Variants in SIPA1L3 observed in about 807,000 individuals in gnomAD.
SIPA1L3 encodes the protein signal-induced proliferation-associated 1-like protein 3.
SIPA1L3 carries 59 observed loss-of-function variants against 150.1 expected under a neutral mutation model. The observed-to-expected ratio is 0.39, with a 90% CI of 0.32 to 0.49. The LOEUF is 0.49. Ranked by LOEUF, SIPA1L3 falls within the 20% of genes least tolerant of loss-of-function variation. The pLI, the probability that SIPA1L3 is intolerant of heterozygous loss-of-function variation, is 0.86. For synonymous variants in SIPA1L3, 1,070 were observed against 1,077.6 expected (o/e 0.99, Z 0.14); for missense variants, 2,211 against 2,489.5 (o/e 0.89, Z 2.38).
At chr19:38,008,570 T>C (rs184296350) in intron 1 of SIPA1L3, among the ~76,000 whole-genome samples, 99 of 151,874 alleles carry the variant, frequency 6.5e-4, no homozygotes, top group Admixed American at 2.0e-3. Flanking sequence ...TTTACCCCCA[T>C]TCCTTTTCCT....
At chr19:37,968,270 A>G (rs572865989) in intron 1 of SIPA1L3, among the ~76,000 whole-genome samples, 2 of 152,010 alleles carry the variant, frequency 1.3e-5, no homozygotes, top group Admixed American at 6.5e-5. Flanking sequence ...ACGGGGTTTC[A>G]CCATATTGGC....
At chr19:38,095,444 C>A (rs12981412) in intron 4 of SIPA1L3, among the ~76,000 whole-genome samples, 1 of 152,002 alleles carries the variant, frequency 6.6e-6, no homozygotes, top group Admixed American at 6.5e-5. Flanking sequence ...CAGAGTCAAG[C>A]GGGGAGTACG....
At chr19:38,091,874 A>G (rs547143508) in intron 4 of SIPA1L3, among the ~76,000 whole-genome samples, 2 of 152,034 alleles carry the variant, frequency 1.3e-5, no homozygotes, top group South Asian at 2.1e-4. Context: ...ACTGGCCAAC[A>G]TGGCGAAACC....
At chr19:37,957,866 C>T (rs752504863) in intron 1 of SIPA1L3, among the ~76,000 whole-genome samples, 14 of 146,772 alleles carry the variant, frequency 9.5e-5, no homozygotes, top group Non-Finnish European at 2.1e-4. Context: ...CATGCATCAC[C>T]ATGCCTGGCT....
chr19:38,120,370 G>A, intron 9 of SIPA1L3, among the ~76,000 whole-genome samples: 1 of 152,054 alleles, frequency 6.6e-6, no homozygotes, highest in East Asian at 1.9e-4. Flanking sequence ...TACTTGGGAG[G>A]CTGAGGTGGG....
intron 11 of SIPA1L3, 77 bp downstream of exon 11, chr19:38,141,512 A>G: frequency 2.8e-6 from 4 of 1,433,218 alleles, no homozygotes; most frequent in Non-Finnish European, 3.8e-6. Context: ...CCCTCTCCTC[A>G]CTATTTCCTC....
At chr19:37,972,162 A>T (rs1417283717) in intron 1 of SIPA1L3, among the ~76,000 whole-genome samples, 1 of 124,046 alleles carries the variant, frequency 8.1e-6, no homozygotes, top group Non-Finnish European at 1.6e-5. Context: ...TAAGGCAGAG[A>T]TACCTAGTGT....
chr19:38,000,927 T>TATAAAATATATAAC (rs1568495975), intron 1 of SIPA1L3, among the ~76,000 whole-genome samples: 1 of 133,406 alleles, frequency 7.5e-6, no homozygotes, highest in African/African-American at 2.9e-5. Flanking sequence ...ATATAACATA[T>TATAAAATATATAAC]ATATAACATA....
At chr19:38,175,572 C>A (rs1972418620) in intron 15 of SIPA1L3, among the ~76,000 whole-genome samples, 1 of 152,120 alleles carries the variant, frequency 6.6e-6, no homozygotes, top group Admixed American at 6.6e-5. Context: ...GAGCACGTTG[C>A]CTGCCCCTCC....
intron 2 of SIPA1L3, among the ~76,000 whole-genome samples, chr19:38,056,235 C>T (rs758839352): frequency 8.5e-5 from 13 of 152,240 alleles, no homozygotes; most frequent in Admixed American, 5.9e-4. Flanking sequence ...GCCACTCTTG[C>T]CCCCACGTGG....
At chr19:38,102,505 C>G (rs1970528786) in intron 6 of SIPA1L3, among the ~76,000 whole-genome samples, 1 of 150,238 alleles carries the variant, frequency 6.7e-6, no homozygotes, top group African/African-American at 2.5e-5. Context: ...ACCTGTAATC[C>G]CAACATTTTG....
chr19:38,054,230 C>T (rs558969001), intron 2 of SIPA1L3, among the ~76,000 whole-genome samples: 3 of 152,246 alleles, frequency 2.0e-5, no homozygotes, highest in East Asian at 3.9e-4. Flanking sequence ...ACAGGGAGGC[C>T]ACTCCCATGC....
At chr19:38,142,112 G>A (rs8107385) in intron 11 of SIPA1L3, among the ~76,000 whole-genome samples, 4 of 151,998 alleles carry the variant, frequency 2.6e-5, no homozygotes, top group Admixed American at 2.0e-4. Context: ...TAGCACCACC[G>A]TTCTAGTCCT....
intron 16 of SIPA1L3, among the ~76,000 whole-genome samples, chr19:38,184,078 G>A (rs138662616): frequency 6.6e-6 from 1 of 152,112 alleles, no homozygotes; most frequent in Admixed American, 6.5e-5. Flanking sequence ...AACATTGCCT[G>A]AGCACTCACC....
chr19:38,082,507 T>C lies in SIPA1L3; in HGVS notation c.942T>C (p.Ala314=), dbSNP rs1240136472. The change falls in exon 3 of 22, where the codon GCT becomes GCC. Residue 314 remains alanine (A), a synonymous_variant. Coordinates refer to ENST00000222345, the MANE Select transcript of SIPA1L3 (RefSeq NM_015073.3). ...GGAGCAGCAAACCCGAGGGGGAGGC[T>C]GGGCGTTCCCCGGGGGAGGCCGACG... ...KLRSSKPEGE[A]GRSPGEADEG... is the part of the protein sequence containing the mutation. 2 of 1,596,062 alleles carry C rather than the reference T, an allele frequency of 1.3e-6. No homozygotes were observed. Among genetic ancestry groups the C allele is most frequent in the African/African-American group, 2.7e-5 (2 of 74,584 alleles).
At position 38,075,065 on chromosome 19, in the gene SIPA1L3, G is replaced by A. The variant is rs112224634; in HGVS notation, c.-310-6191G>A. ...AGGTTTTTATTGTTAATGTTCTTAGGAAGTGCATTTTACCCTTGAACAACA... is the reference window on the plus strand; with the variant it reads ...AGGTTTTTATTGTTAATGTTCTTAGAAAGTGCATTTTACCCTTGAACAACA... On this transcript the variant is annotated intron_variant, in intron 2 of 21. Transcript: ENST00000222345. Among the ~76,000 whole-genome samples, 869 of 152,318 alleles carry A rather than the reference G, an allele frequency of 5.7e-3. 9 individuals carry two copies. Among genetic ancestry groups the A allele is most frequent in the African/African-American group, 0.02 (832 of 41,566 alleles).
intron 1 of SIPA1L3, among the ~76,000 whole-genome samples, chr19:38,003,686 G>C (rs1434366773): frequency 6.6e-6 from 1 of 152,202 alleles, no homozygotes; most frequent in East Asian, 1.9e-4. Flanking sequence ...CCTCCCGAGA[G>C]AGCTCGTTGT....
chr19:37,971,982 C>T (rs1008725227), intron 1 of SIPA1L3, among the ~76,000 whole-genome samples: 1 of 152,162 alleles, frequency 6.6e-6, no homozygotes, highest in Non-Finnish European at 1.5e-5. Flanking sequence ...ATCCAGGCAT[C>T]ACCTGATGGA....
intron 8 of SIPA1L3, among the ~76,000 whole-genome samples, chr19:38,114,071 G>A (rs761831357): frequency 2.0e-5 from 3 of 152,070 alleles, no homozygotes; most frequent in Non-Finnish European, 4.4e-5. Context: ...CATGAATCAG[G>A]AATATAGGAA....
Sources: gnomAD v4.1 joint callset for allele counts (sites outside exome capture counted in the v4.1 genomes callset) on GRCh38, gnomAD v4.1.1 for gene constraint, MANE v1.5 for transcripts, NCBI Gene and HGNC (gene_info 2026-07-23, HGNC 2026-07-21) for gene names.